Variants in GOLPH3 observed in about 807,000 individuals in gnomAD.
GOLPH3 encodes coat protein GPP34.
In GOLPH3, 14 loss-of-function variants were observed where a neutral mutation model predicts 28.5. The observed-to-expected ratio is 0.49, with a 90% CI of 0.32 to 0.77. The LOEUF (loss-of-function observed/expected upper bound fraction) is 0.77. Among genes scored for constraint, GOLPH3 ranks in the 30% least tolerant of loss-of-function variants. The probability of loss-of-function intolerance (pLI) is 0.03; values close to 1 mark genes in which losing one functional copy is unlikely to be tolerated. For missense variants in GOLPH3, 350 were observed against 393.7 expected (o/e 0.89, Z 0.94); for synonymous variants, 158 against 159.2 (o/e 0.99, Z 0.06).
At chr5:32,149,437 G>A (rs1484463682) in intron 1 of GOLPH3, among the ~76,000 whole-genome samples, 6 of 152,132 alleles carry the variant, frequency 3.9e-5, no homozygotes, top group African/African-American at 1.4e-4. Flanking sequence ...ATTGATTATG[G>A]TGGTGGTTGT....
chr5:32,173,187 A>G (rs1746882294), intron 1 of GOLPH3, among the ~76,000 whole-genome samples: 1 of 152,164 alleles, frequency 6.6e-6, no homozygotes. Flanking sequence ...TACTAAAAAT[A>G]ATCTCTCACC....
chr5:32,153,926 CTGATTA>C (rs748156893), intron 1 of GOLPH3, among the ~76,000 whole-genome samples: 1 of 152,182 alleles, frequency 6.6e-6, no homozygotes, highest in Non-Finnish European at 1.5e-5. Flanking sequence ...GAAGGAATGA[CTGATTA>C]TAAGTCTGAA....
intron 1 of GOLPH3, among the ~76,000 whole-genome samples, chr5:32,147,739 G>T (rs1193690464): frequency 6.6e-6 from 1 of 152,124 alleles, no homozygotes; most frequent in Non-Finnish European, 1.5e-5. Flanking sequence ...GCAGTAATTT[G>T]ACAGAGGCAA....
rs934506267 is a variant in GOLPH3 at position 32,131,296 on chromosome 5, T to C, written c.472+4276A>G. 2.0e-5 allele frequency among the ~76,000 whole-genome samples: 3 copies of C among 152,368 alleles called. No homozygotes were observed. The East Asian group carries it at 5.8e-4, about 29-fold the overall frequency. On this transcript the variant is annotated intron_variant, in intron 3 of 3. Transcript: ENST00000265070. Reference sequence around the variant, plus strand: ...CAAAGTAATAACCAAGTGGTCAAAGTATCTTGGTATTCTGGAATTTCTGCC... The same window carrying C: ...CAAAGTAATAACCAAGTGGTCAAAGCATCTTGGTATTCTGGAATTTCTGCC...
chr5:32,130,052 A>C (rs1347990649), intron 3 of GOLPH3, among the ~76,000 whole-genome samples: 2 of 152,150 alleles, frequency 1.3e-5, no homozygotes, highest in African/African-American at 4.8e-5. Context: ...CGTGTTAGCC[A>C]GGATGGTCTC....
At chr5:32,140,839 G>A (rs1173521084) in intron 2 of GOLPH3, among the ~76,000 whole-genome samples, 1 of 151,474 alleles carries the variant, frequency 6.6e-6, no homozygotes, top group African/African-American at 2.4e-5. Flanking sequence ...AATCAGAAGG[G>A]CACCAGACTT....
rs1190296203 is a variant in GOLPH3 at position 32,156,775 on chromosome 5, T to C, written c.226-12895A>G. 2.6e-5 allele frequency among the ~76,000 whole-genome samples: 4 copies of C among 152,324 alleles called. No homozygotes were observed. The East Asian group carries it at 7.7e-4, about 29-fold the overall frequency. ...GAGAATCTAATGGCTGCTGCTGATC[T>C]GACAGGAGGCGGAGCTCAGGCAGTA... On this transcript the variant is annotated intron_variant, in intron 1 of 3. Coordinates refer to ENST00000265070, the MANE Select transcript of GOLPH3 (RefSeq NM_022130.4).
chr5:32,166,238 C>T (rs1237376648), intron 1 of GOLPH3, among the ~76,000 whole-genome samples: 4 of 152,018 alleles, frequency 2.6e-5, no homozygotes, highest in Non-Finnish European at 5.9e-5. Flanking sequence ...TAAAAGTGAC[C>T]AGAAACATCC....
intron 1 of GOLPH3, among the ~76,000 whole-genome samples, chr5:32,146,672 T>C (rs1581545928): frequency 6.6e-6 from 1 of 152,220 alleles, no homozygotes; most frequent in Non-Finnish European, 1.5e-5. Flanking sequence ...AAATATTTTG[T>C]ATAAAGATCA....
At chr5:32,146,991 G>A (rs935168326) in intron 1 of GOLPH3, among the ~76,000 whole-genome samples, 11 of 151,922 alleles carry the variant, frequency 7.2e-5, no homozygotes, top group Non-Finnish European at 1.2e-4. Context: ...GGCCACCTGC[G>A]GCCCACAGGC....
intron 1 of GOLPH3, among the ~76,000 whole-genome samples, chr5:32,168,988 A>G (rs576775247): frequency 6.6e-6 from 1 of 151,876 alleles, no homozygotes; most frequent in South Asian, 2.1e-4. Context: ...AACAACAAAA[A>G]AAAAAACAGG....
In GOLPH3 at chr5:32,135,104, C is replaced by T. The variant is rs114886991; in HGVS notation, c.472+468G>A. ...TCATTTCTAAGCAGAAACTTAAGAGCCAGAGTGATGTGCTATGGTATTCCT... is the reference window on the plus strand; with the variant it reads ...TCATTTCTAAGCAGAAACTTAAGAGTCAGAGTGATGTGCTATGGTATTCCT... On this transcript the variant is annotated intron_variant, in intron 3 of 3. Transcript: ENST00000265070. Among the ~76,000 whole-genome samples, 473 of 152,322 alleles carry T rather than the reference C, an allele frequency of 3.1e-3. 1 individual carries two copies. Among genetic ancestry groups the T allele is most frequent in the African/African-American group, 0.011 (445 of 41,584 alleles).
chr5:32,172,022 T>G (rs1746848071), intron 1 of GOLPH3, among the ~76,000 whole-genome samples: 1 of 152,180 alleles, frequency 6.6e-6, no homozygotes, highest in East Asian at 1.9e-4. Context: ...GAATATTTTC[T>G]AAAAATTACA....
chr5:32,173,680 G>C (rs1354832483), intron 1 of GOLPH3, 130 bp downstream of exon 1: 1 of 566,862 alleles, frequency 1.8e-6, no homozygotes, highest in Non-Finnish European at 2.6e-6. Context: ...GGCGCCACCA[G>C]GCGCGGACTT....
At chr5:32,163,353 G>C (rs1175890753) in intron 1 of GOLPH3, among the ~76,000 whole-genome samples, 2 of 152,160 alleles carry the variant, frequency 1.3e-5, no homozygotes, top group African/African-American at 4.8e-5. Context: ...TGTCTTCTAT[G>C]CAGACTGAAT....
intron 1 of GOLPH3, among the ~76,000 whole-genome samples, chr5:32,161,896 G>A (rs565601256): frequency 1.2e-4 from 18 of 150,936 alleles, no homozygotes; most frequent in South Asian, 4.2e-4. Context: ...GCATGGTGAC[G>A]GGCGCCTGTA....
chr5:32,172,049 C>T (rs910847375), intron 1 of GOLPH3, among the ~76,000 whole-genome samples: 2 of 152,144 alleles, frequency 1.3e-5, no homozygotes, highest in East Asian at 1.9e-4. Context: ...GGACGCTATA[C>T]CCCTAGTTTA....
chr5:32,165,547 C>T (rs2111894453), intron 1 of GOLPH3, among the ~76,000 whole-genome samples: 1 of 151,992 alleles, frequency 6.6e-6, no homozygotes, highest in Non-Finnish European at 1.5e-5. Flanking sequence ...TGCACCACTG[C>T]ACTCCAGCCT....
At chr5:32,128,964 T>C (rs1446659583) in intron 3 of GOLPH3, among the ~76,000 whole-genome samples, 1 of 151,962 alleles carries the variant, frequency 6.6e-6, no homozygotes, top group African/African-American at 2.4e-5. Flanking sequence ...CATGGCGGGT[T>C]ACGCTTGTAA....
Sources: allele counts gnomAD v4.1 joint callset (sites outside exome capture counted in the v4.1 genomes callset), GRCh38; gene constraint gnomAD v4.1.1; transcripts MANE v1.5; gene names NCBI Gene and HGNC (gene_info 2026-07-23, HGNC 2026-07-21).